MORC4: variants seen among roughly 807,000 people sequenced by gnomAD.
MORC4 encodes MORC family CW-type zinc finger 4, also known as MORC family CW-type zinc finger protein 4.
In MORC4, 22 loss-of-function variants were observed where a neutral mutation model predicts 65.5. The observed-to-expected ratio is 0.34, with a 90% CI of 0.24 to 0.48. MORC4 has a LOEUF of 0.48. Ranked by LOEUF, MORC4 falls within the 20% of genes least tolerant of loss-of-function variation. The probability of loss-of-function intolerance (pLI) is 0.99; values close to 1 mark genes in which losing one functional copy is unlikely to be tolerated. For missense variants in MORC4, 624 were observed against 703.0 expected (o/e 0.89, Z 1.27); for synonymous variants, 267 against 255.8 (o/e 1.04, Z -0.42).
At chrX:106,961,609 T>C (rs932272420) in intron 10 of MORC4, among the ~76,000 whole-genome samples, 28 of 111,668 alleles carry the variant, frequency 2.5e-4, no homozygotes, top group African/African-American at 8.5e-4. Context: ...ATCAGTGCTC[T>C]GTAAAACGCA....
chrX:106,985,966 A>G lies in MORC4; in HGVS notation c.526+17T>C. The G allele has an allele frequency of 8.5e-7, 1 of 1,177,033 alleles. No homozygotes were observed. The highest frequency in any genetic ancestry group is 1.8e-5 in the South Asian group (1 of 54,535). ...GACTAATTTTTAACCAACATTCTCC[A>G]TTTCCAGAAAGGATATTGTTTTGCT... On this transcript the variant is annotated intron_variant, in intron 4 of 16. Transcript: ENST00000355610.
At chrX:106,994,199 G>A (rs1422426003) in intron 2 of MORC4, among the ~76,000 whole-genome samples, 1 of 112,367 alleles carries the variant, frequency 8.9e-6, no homozygotes, top group Non-Finnish European at 1.9e-5. Flanking sequence ...CCAGGGGGGT[G>A]CCACTGTCTA....
rs58310740 is a variant in MORC4 at position 106,941,371 on chromosome X, T to TGAGAGAGAGAGA, written c.*96_*107dup. 337 of 395,730 alleles carry TGAGAGAGAGAGA rather than the reference T, an allele frequency of 8.5e-4. 2 individuals carry two copies. Among genetic ancestry groups the TGAGAGAGAGAGA allele is most frequent in the African/African-American group, 6.6e-3 (202 of 30,643 alleles). The allele number at this position is 395,730 out of a possible 1,213,427, so 32.6% of individuals were successfully genotyped here. ...TCTATATAAGGCATAAAGGTGAGGG[T>TGAGAGAGAGAGA]GAGAGAGAGAGAGAGAGAGAGAGAG... On this transcript the variant is annotated 3_prime_UTR_variant, in exon 17 of 17. Transcript: ENST00000355610.
At chrX:106,970,100 C>A (rs1040795772) in intron 9 of MORC4, among the ~76,000 whole-genome samples, 5 of 111,869 alleles carry the variant, frequency 4.5e-5, no homozygotes, top group Non-Finnish European at 7.5e-5. Context: ...CAAACCGAAT[C>A]CAGCAGCACA....
chrX:106,999,840 C>A, intron 1 of MORC4, 28 bp downstream of exon 1: 1 of 853,042 alleles, frequency 1.2e-6, no homozygotes. Context: ...CCCGCGCGCG[C>A]GTCCGCCCCC....
In MORC4 at chrX:106,958,331, C is replaced by A; in HGVS notation, c.1385+5G>T. The A allele has an allele frequency of 8.3e-7, 1 of 1,198,514 alleles. No individual in the cohort carries two copies. Among genetic ancestry groups the A allele is most frequent in the Non-Finnish European group, 1.1e-6 (1 of 887,736 alleles). Reference sequence around the variant, plus strand: ...TGAGCATAAGATTGAGTCCTGGAACCTTACCTGTACTTTGGATGGGAATTA... The same window carrying A: ...TGAGCATAAGATTGAGTCCTGGAACATTACCTGTACTTTGGATGGGAATTA... On this transcript the variant is annotated splice_donor_5th_base_variant and intron_variant, in intron 11 of 16. Coordinates refer to ENST00000355610, the MANE Select transcript of MORC4 (RefSeq NM_024657.5).
At chrX:106,982,265 GAAAT>G (rs1330474379) in intron 5 of MORC4, among the ~76,000 whole-genome samples, 2 of 112,206 alleles carry the variant, frequency 1.8e-5, no homozygotes, top group Admixed American at 1.9e-4. Context: ...CTCTTAAAAA[GAAAT>G]AAATACATAA....
chrX:107,000,012 T>G lies in MORC4; in HGVS notation c.-43A>C. 6.3e-6 allele frequency: 4 copies of G among 631,147 alleles called. No homozygotes were observed. Among genetic ancestry groups the G allele is most frequent in the Non-Finnish European group, 8.1e-6 (4 of 495,598 alleles). The allele number at this position is 631,147 out of a possible 1,213,427, so 52.0% of individuals were successfully genotyped here. A position where few individuals can be genotyped will look rare whatever the true frequency, so the allele number is the denominator to read the frequency against. On this transcript the variant is annotated 5_prime_UTR_variant, in exon 1 of 17. Coordinates refer to ENST00000355610, the MANE Select transcript of MORC4 (RefSeq NM_024657.5). ...TACCCGTCTGCTGCCGCCGGACCCC[T>G]GGCCCGGCGGTCCGGGACTAGCCCT...
chrX:106,954,726 G>A (rs1934061047), intron 14 of MORC4, among the ~76,000 whole-genome samples, 187 bp downstream of exon 14: 1 of 112,224 alleles, frequency 8.9e-6, no homozygotes, highest in Admixed American at 9.4e-5. Flanking sequence ...TGATACAGCA[G>A]TTATAATACT....
intron 3 of MORC4, among the ~76,000 whole-genome samples, chrX:106,992,130 C>T (rs1934995851): frequency 1.8e-5 from 2 of 111,708 alleles, no homozygotes; most frequent in Non-Finnish European, 3.8e-5. Context: ...AGAGGTTTTC[C>T]TCAAATAGTC....
intron 11 of MORC4, among the ~76,000 whole-genome samples, chrX:106,957,536 G>A (rs1313164340): frequency 9.0e-6 from 1 of 111,532 alleles, no homozygotes; most frequent in Non-Finnish European, 1.9e-5. Flanking sequence ...CTTTCTATCA[G>A]TATTTATCCT....
At chrX:106,950,379 G>A (rs1282683130) in intron 14 of MORC4, among the ~76,000 whole-genome samples, 1 of 111,969 alleles carries the variant, frequency 8.9e-6, no homozygotes, top group Non-Finnish European at 1.9e-5. Flanking sequence ...TTTAGGTAGA[G>A]CTGTGGCATT....
In MORC4 at chrX:106,985,214, G is replaced by A. The variant is rs1212835875; in HGVS notation, c.556C>T (p.Pro186Ser). ...TAGTTCAAGATGGCTTCTAGGCTGG[G>A]CAATGAATCCTCGGTAATAATCATT... ...KKMIITEDSLPSLEAILNYSI... is the reference protein window; with the variant it reads ...KKMIITEDSLSSLEAILNYSI... The change falls in exon 5 of 17, where the codon CCC (proline) becomes TCC (serine). Residue 186 changes from proline (P) to serine (S), a missense_variant. Coordinates refer to ENST00000355610, the MANE Select transcript of MORC4 (RefSeq NM_024657.5). 8.5e-7 allele frequency: 1 copy of A among 1,177,594 alleles called. No homozygotes were observed. Among genetic ancestry groups the A allele is most frequent in the Non-Finnish European group, 1.1e-6 (1 of 873,961 alleles).
chrX:106,985,679 GA>G (rs112124198), intron 4 of MORC4, among the ~76,000 whole-genome samples: 8,821 of 99,758 alleles, frequency 0.088, 934 homozygotes, highest in African/African-American at 0.29. Context: ...ATCCTTAGGG[GA>G]AAAAAAAAAA....
chrX:106,980,791 T>C, intron 7 of MORC4, 100 bp downstream of exon 7: 2 of 816,099 alleles, frequency 2.5e-6, no homozygotes, highest in Non-Finnish European at 3.5e-6. Context: ...ATACACTTTT[T>C]AATTTGAAAG....
intron 5 of MORC4, 76 bp from the exon 6 acceptor site, chrX:106,981,553 G>T: frequency 1.1e-6 from 1 of 890,579 alleles, no homozygotes; most frequent in East Asian, 3.5e-5. Flanking sequence ...GAGCCCAAAA[G>T]AAAAAAAAAC....
intron 9 of MORC4, among the ~76,000 whole-genome samples, chrX:106,973,323 G>C (rs904969257): frequency 8.9e-6 from 1 of 111,968 alleles, no homozygotes; most frequent in African/African-American, 3.2e-5. Flanking sequence ...CATATCCACA[G>C]ATGTAGAGGA....
intron 9 of MORC4, among the ~76,000 whole-genome samples, chrX:106,971,490 T>C (rs757466888): frequency 8.9e-6 from 1 of 112,096 alleles, no homozygotes; most frequent in Admixed American, 9.5e-5. Flanking sequence ...CTAAAGAGCT[T>C]CTGCACAGCA....
At chrX:106,983,452 G>A (rs1311984048) in intron 5 of MORC4, among the ~76,000 whole-genome samples, 4 of 111,502 alleles carry the variant, frequency 3.6e-5, no homozygotes, top group Admixed American at 1.9e-4. Context: ...CACCTAAGGA[G>A]AAAAGGAAGA....
Sources: allele counts gnomAD v4.1 joint callset (sites outside exome capture counted in the v4.1 genomes callset), GRCh38; gene constraint gnomAD v4.1.1; transcripts MANE v1.5; gene names NCBI Gene and HGNC (gene_info 2026-07-23, HGNC 2026-07-21).